The following CCDC32 variants were observed in gnomAD, a reference collection of about 807,000 sequenced individuals.
CCDC32 encodes coiled-coil domain-containing protein 32.
Under a neutral mutation model 20.1 loss-of-function variants are expected in CCDC32, and 9 were observed. That is an observed-to-expected ratio of 0.45 (90% CI 0.27 to 0.78). The LOEUF is 0.78. CCDC32 is among the 30% of genes least tolerant of loss of function. The probability of loss-of-function intolerance (pLI) is 0.16; values close to 1 mark genes in which losing one functional copy is unlikely to be tolerated. For missense variants in CCDC32, 204 were observed against 215.5 expected (o/e 0.95, Z 0.33); for synonymous variants, 63 against 79.0 (o/e 0.80, Z 1.07).
chr15:40,534,518 A>G (rs78931190), downstream of CCDC32: 12,472 of 172,370 alleles, frequency 0.072, 1,557 homozygotes, highest in African/African-American at 0.27. Flanking sequence ...AGATCTCGTG[A>G]GAACTTACTA....
At chr15:40,557,141 A>G in intron 3 of CCDC32, 75 bp downstream of exon 3, 1 of 1,516,686 alleles carries the variant, frequency 6.6e-7, no homozygotes, top group Admixed American at 2.4e-5. Context: ...TTAAAAATCT[A>G]CTGCTGGGCT....
At position 40,562,784 on chromosome 15, in the gene CCDC32, A is replaced by C. The variant is rs1006554904; in HGVS notation, c.232T>G (p.Leu78Val). The C allele has an allele frequency of 6.2e-7, 1 of 1,613,868 alleles. No homozygotes were observed. Among genetic ancestry groups the C allele is most frequent in the Non-Finnish European group, 8.5e-7 (1 of 1,179,878 alleles). Residue 78 changes from leucine to valine, a missense_variant, in exon 2 of 4, where the codon TTA (leucine) becomes GTA (valine). By Grantham distance (32) the Leu-to-Val change is conservative. Coordinates refer to ENST00000416810, the MANE Select transcript of CCDC32 (RefSeq NM_001080792.4). ...WAPLQDSEVY[L>V]ASLEKKLRRI... ...CCGTCAAACTTACCTAGAGATGCTA[A>C]ATACACTTCTGAATCCTGCAAGGGA...
downstream of CCDC32, among the ~76,000 whole-genome samples, chr15:40,532,845 G>A (rs1452242825): frequency 6.6e-6 from 1 of 150,634 alleles, no homozygotes; most frequent in Admixed American, 6.6e-5. Context: ...CTTCAGGCTG[G>A]CGCGTGCCAC....
At chr15:40,526,061 G>T (rs1011981808), downstream of CCDC32, among the ~76,000 whole-genome samples, 1 of 151,908 alleles carries the variant, frequency 6.6e-6, no homozygotes, top group Non-Finnish European at 1.5e-5. Flanking sequence ...CAACACCTGT[G>T]AACTGCCTGG....
At position 40,553,919 on chromosome 15, in the gene CCDC32, TGTGTGTGTGTGTGTG is replaced by T; in HGVS notation, c.*37_*51del. On this transcript the variant is annotated 3_prime_UTR_variant, in exon 4 of 4. Transcript: ENST00000416810. ...CAGCTGCTCGGCGTGTGTGTGTGTG[TGTGTGTGTGTGTGTG>T]TGTGTGTGTGTGTGTGTGTGTGTGT... 2.8e-5 allele frequency: 5 copies of T among 178,368 alleles called. No individual in the cohort carries two copies. In the South Asian group the frequency reaches 6.1e-4, roughly 22 times the overall value. The allele number at this position is 178,368 out of a possible 1,614,324, so 11.0% of individuals were successfully genotyped here. A position where few individuals can be genotyped will look rare whatever the true frequency, so the allele number is the denominator to read the frequency against.
downstream of CCDC32, chr15:40,539,222 C>T: frequency 3.3e-6 from 5 of 1,533,090 alleles, no homozygotes; most frequent in Non-Finnish European, 4.4e-6. Flanking sequence ...CCCTGCCTGG[C>T]CCGCCCTGGC....
chr15:40,561,114 G>A (rs769867310), intron 2 of CCDC32, among the ~76,000 whole-genome samples: 2 of 152,152 alleles, frequency 1.3e-5, no homozygotes, highest in Non-Finnish European at 2.9e-5. Flanking sequence ...CTCAGGAATG[G>A]AAAACAAAAT....
downstream of CCDC32, among the ~76,000 whole-genome samples, chr15:40,530,770 G>C (rs1382657054): frequency 6.7e-6 from 1 of 149,572 alleles, no homozygotes; most frequent in Non-Finnish European, 1.5e-5. Flanking sequence ...CCAGGCTGGA[G>C]TGCAGTGGCA....
chr15:40,539,561 C>A (rs935991679), intron 3 of CCDC32, among the ~76,000 whole-genome samples: 4 of 152,202 alleles, frequency 2.6e-5, no homozygotes, highest in African/African-American at 9.6e-5. Context: ...AGACAAGAGA[C>A]AAACGGAGGC....
downstream of CCDC32, among the ~76,000 whole-genome samples, chr15:40,551,302 A>G (rs559071984): frequency 2.0e-5 from 3 of 152,064 alleles, no homozygotes; most frequent in South Asian, 6.2e-4. Flanking sequence ...GAATGGTGTG[A>G]ACCCGGGAGG....
rs777588753 is a variant in CCDC32, at chr15:40,553,924, G to C, written c.*47C>G. Reference sequence around the variant, plus strand: ...GCTCGGCGTGTGTGTGTGTGTGTGTGTGTGTGTGTGTGTGTGTGTGTGTGT... The same window carrying C: ...GCTCGGCGTGTGTGTGTGTGTGTGTCTGTGTGTGTGTGTGTGTGTGTGTGT... On this transcript the variant is annotated 3_prime_UTR_variant, in exon 4 of 4. Coordinates refer to ENST00000416810, the MANE Select transcript of CCDC32 (RefSeq NM_001080792.4). The C allele has an allele frequency of 2.6e-6, 1 of 380,354 alleles. No homozygotes were observed. Among genetic ancestry groups the C allele is most frequent in the Non-Finnish European group, 3.8e-6 (1 of 260,602 alleles). The allele number at this position is 380,354 out of a possible 1,614,324, so 23.6% of individuals were successfully genotyped here.
chr15:40,525,080 G>T (rs1424139497), downstream of CCDC32, among the ~76,000 whole-genome samples: 1 of 150,958 alleles, frequency 6.6e-6, no homozygotes, highest in Non-Finnish European at 1.5e-5. Flanking sequence ...GCCCAGGCTG[G>T]AGTGCAGTGG....
At chr15:40,558,569 C>T (rs144287305) in intron 2 of CCDC32, among the ~76,000 whole-genome samples, 1 of 152,068 alleles carries the variant, frequency 6.6e-6, no homozygotes, top group Non-Finnish European at 1.5e-5. Flanking sequence ...AGGTCTTCCT[C>T]TCTCTAAGTA....
At position 40,553,902 on chromosome 15, in the gene CCDC32, C is replaced by T. The variant is rs569154133; in HGVS notation, c.*69G>A. ...TCGCTCTGGACCCGAGACAGCTGCT[C>T]GGCGTGTGTGTGTGTGTGTGTGTGT... On this transcript the variant is annotated 3_prime_UTR_variant, in exon 4 of 4. Coordinates refer to ENST00000416810, the MANE Select transcript of CCDC32 (RefSeq NM_001080792.4). The T allele has an allele frequency of 1.0e-5, 15 of 1,483,542 alleles. No homozygotes were observed. Among genetic ancestry groups the T allele is most frequent in the African/African-American group, 2.8e-5 (2 of 70,672 alleles). The allele number at this position is 1,483,542 out of a possible 1,614,324, so 91.9% of individuals were successfully genotyped here. A position where few individuals can be genotyped will look rare whatever the true frequency, so the allele number is the denominator to read the frequency against.
chr15:40,555,283 A>T (rs1290755865), intron 3 of CCDC32, among the ~76,000 whole-genome samples: 1 of 152,244 alleles, frequency 6.6e-6, no homozygotes, highest in African/African-American at 2.4e-5. Flanking sequence ...CACACTTTTC[A>T]TCAAATTGTT....
chr15:40,525,890 C>T (rs1894894583), downstream of CCDC32, among the ~76,000 whole-genome samples: 1 of 152,182 alleles, frequency 6.6e-6, no homozygotes, highest in Non-Finnish European at 1.5e-5. Flanking sequence ...TTTGGTGTCT[C>T]TCCTTAGGTA....
At chr15:40,545,966 T>C (rs1889601076) in intron 3 of CCDC32, among the ~76,000 whole-genome samples, 1 of 152,192 alleles carries the variant, frequency 6.6e-6, no homozygotes, top group Non-Finnish European at 1.5e-5. Context: ...ATCACATGTA[T>C]ATTAGACTGT....
chr15:40,558,542 C>G (rs1890403833), intron 2 of CCDC32, among the ~76,000 whole-genome samples: 1 of 151,992 alleles, frequency 6.6e-6, no homozygotes, highest in African/African-American at 2.4e-5. Flanking sequence ...GTGGAAGGTA[C>G]TCTTTTGGGC....
chr15:40,563,100 C>A, intron 1 of CCDC32, 73 bp from the exon 2 acceptor site: 2 of 1,507,622 alleles, frequency 1.3e-6, no homozygotes, highest in Non-Finnish European at 8.9e-7. Context: ...CAGTGGCTCA[C>A]GACTGTAATC....
Sources: allele counts gnomAD v4.1 joint callset (sites outside exome capture counted in the v4.1 genomes callset), GRCh38; gene constraint gnomAD v4.1.1; transcripts MANE v1.5; gene names NCBI Gene and HGNC (gene_info 2026-07-23, HGNC 2026-07-21).